The following GOLM1 variants were observed in gnomAD, a reference collection of about 807,000 sequenced individuals.
GOLM1 encodes epididymis luminal protein 46.
GOLM1 carries 31 observed loss-of-function variants against 50.5 expected under a neutral mutation model. The observed-to-expected ratio is 0.61, with a 90% confidence interval of 0.46 to 0.83. The LOEUF (loss-of-function observed/expected upper bound fraction) is 0.83. Among genes scored for constraint, GOLM1 ranks in the 40% least tolerant of loss-of-function variants. GOLM1 has a pLI of 0.00. For synonymous variants in GOLM1, 178 were observed against 192.8 expected (o/e 0.92, Z 0.64); for missense variants, 491 against 501.3 (o/e 0.98, Z 0.20).
intron 3 of GOLM1, among the ~76,000 whole-genome samples, chr9:86,064,639 C>A (rs769224386): frequency 6.6e-6 from 1 of 152,192 alleles, no homozygotes; most frequent in South Asian, 2.1e-4. Context: ...AACCCTATGA[C>A]GGCTTCCCCG....
chr9:86,028,849 T>A (rs1832874126), intron 9 of GOLM1, among the ~76,000 whole-genome samples: 1 of 145,754 alleles, frequency 6.9e-6, no homozygotes, highest in Admixed American at 6.8e-5. Context: ...GAACTTTTTT[T>A]TTTTTTTTTT....
intron 9 of GOLM1, among the ~76,000 whole-genome samples, chr9:86,030,218 CAAAAAAAAAAAAA>C: frequency 1.4e-5 from 1 of 73,440 alleles, no homozygotes; most frequent in South Asian, 5.0e-4. Context: ...GACTCTGTCT[CAAAAAAAAAAAAA>C]AAAAAAAAAA....
chr9:86,063,392 C>T (rs973884783), intron 3 of GOLM1, among the ~76,000 whole-genome samples: 7 of 152,182 alleles, frequency 4.6e-5, no homozygotes, highest in African/African-American at 1.4e-4. Context: ...CCTGCTCCCA[C>T]CTGCGGAAGA....
At chr9:86,083,288 T>C (rs1266045002) in intron 1 of GOLM1, among the ~76,000 whole-genome samples, 4 of 152,248 alleles carry the variant, frequency 2.6e-5, no homozygotes, top group East Asian at 1.9e-4. Flanking sequence ...ACAATATAAA[T>C]GCTATGTAAT....
At position 86,059,692 on chromosome 9, in the gene GOLM1, C is replaced by T. The variant is rs189696318; in HGVS notation, c.310-7101G>A. Among the ~76,000 whole-genome samples, 1,324 of 151,930 alleles carry T rather than the reference C, an allele frequency of 8.7e-3. 15 individuals are homozygous for T. The highest frequency in any genetic ancestry group is 0.03 in the African/African-American group (1,231 of 41,388). On this transcript the variant is annotated intron_variant, in intron 3 of 9. Transcript: ENST00000388712. ...GGTGGATCACTTGAGGTCAGGAGTT[C>T]GAGACCAGCCTAGCCAACATACTGA...
At chr9:86,052,943 C>G (rs536175244) in intron 3 of GOLM1, among the ~76,000 whole-genome samples, 20 of 81,450 alleles carry the variant, frequency 2.5e-4, no homozygotes, top group African/African-American at 7.8e-4. Context: ...TCAGCAACCT[C>G]ACACCGCACC....
intron 1 of GOLM1, among the ~76,000 whole-genome samples, chr9:86,088,420 G>GTATGTATATATATATATA (rs1835050906): frequency 1.2e-5 from 1 of 86,306 alleles, no homozygotes; most frequent in African/African-American, 5.8e-5. Flanking sequence ...TTTGAAGGGT[G>GTATGTATATATATATATA]TATATATATA....
At chr9:86,054,470 C>T (rs1232658371) in intron 3 of GOLM1, among the ~76,000 whole-genome samples, 3 of 152,148 alleles carry the variant, frequency 2.0e-5, no homozygotes, top group African/African-American at 2.4e-5. Flanking sequence ...GTGATTCGGC[C>T]GCCTTGGCCT....
chr9:86,066,040 C>T (rs1834298191), intron 3 of GOLM1, among the ~76,000 whole-genome samples: 1 of 151,990 alleles, frequency 6.6e-6, no homozygotes, highest in Admixed American at 6.6e-5. Context: ...ACTCTGTCTC[C>T]AGAAAATAAA....
At chr9:86,045,350 C>CA (rs1359555622) in intron 5 of GOLM1, among the ~76,000 whole-genome samples, 9 of 148,954 alleles carry the variant, frequency 6.0e-5, no homozygotes, top group African/African-American at 2.0e-4. Context: ...GACTCTGTTT[C>CA]AAAAAATAAA....
intron 6 of GOLM1, among the ~76,000 whole-genome samples, chr9:86,040,273 TA>T (rs956152880): frequency 6.6e-6 from 1 of 152,118 alleles, no homozygotes; most frequent in Non-Finnish European, 1.5e-5. Context: ...GCTATATTTT[TA>T]AAAAACTACT....
chr9:86,029,521 C>T (rs1832904022), intron 9 of GOLM1, among the ~76,000 whole-genome samples: 1 of 152,136 alleles, frequency 6.6e-6, no homozygotes, highest in Non-Finnish European at 1.5e-5. Context: ...AAAGGCACAT[C>T]ACAAATAAAA....
At chr9:86,058,695 C>CAAAAAAA (rs57227258) in intron 3 of GOLM1, among the ~76,000 whole-genome samples, 1 of 100,988 alleles carries the variant, frequency 9.9e-6, no homozygotes, top group Non-Finnish European at 1.9e-5. Flanking sequence ...GACTCTGTCT[C>CAAAAAAA]AAAAAAAAAA....
At chr9:86,052,090 A>G (rs1428213890) in intron 4 of GOLM1, among the ~76,000 whole-genome samples, 1 of 152,136 alleles carries the variant, frequency 6.6e-6, no homozygotes, top group Non-Finnish European at 1.5e-5. Flanking sequence ...GCTGCTTCAG[A>G]AGGACTCAAA....
intron 9 of GOLM1, among the ~76,000 whole-genome samples, chr9:86,030,396 G>A (rs973484890): frequency 1.3e-5 from 2 of 152,120 alleles, no homozygotes; most frequent in African/African-American, 4.8e-5. Flanking sequence ...AATGAAGACA[G>A]CTGAAAATTC....
At chr9:86,045,968 T>C (rs1833525913) in intron 5 of GOLM1, among the ~76,000 whole-genome samples, 1 of 152,222 alleles carries the variant, frequency 6.6e-6, no homozygotes, top group East Asian at 1.9e-4. Context: ...ACTATCTTCC[T>C]GCGGGGCTTA....
intron 2 of GOLM1, 121 bp downstream of exon 2, chr9:86,079,071 G>T: frequency 2.4e-6 from 2 of 838,944 alleles, no homozygotes; most frequent in Non-Finnish European, 3.6e-6. Flanking sequence ...CACCTTACAA[G>T]CGTGTGCCCT....
At chr9:86,030,218 C>CAAAAAAAAAAAAAAAAA (rs35215928) in intron 9 of GOLM1, among the ~76,000 whole-genome samples, 1 of 73,440 alleles carries the variant, frequency 1.4e-5, no homozygotes. Flanking sequence ...GACTCTGTCT[C>CAAAAAAAAAAAAAAAAA]AAAAAAAAAA....
chr9:86,032,920 A>G (rs1442331464), intron 9 of GOLM1, among the ~76,000 whole-genome samples: 1 of 152,224 alleles, frequency 6.6e-6, no homozygotes, highest in African/African-American at 2.4e-5. Flanking sequence ...GCTGCTTGGA[A>G]GCTCTATGCA....
Sources: gnomAD v4.1 joint callset for allele counts (sites outside exome capture counted in the v4.1 genomes callset) on GRCh38, gnomAD v4.1.1 for gene constraint, MANE v1.5 for transcripts, NCBI Gene and HGNC (gene_info 2026-07-23, HGNC 2026-07-21) for gene names.